MIB1: variants seen among roughly 807,000 people sequenced by gnomAD.
MIB1 encodes MIB E3 ubiquitin protein ligase 1.
MIB1 carries 278 observed loss-of-function variants against 124.5 expected under a neutral mutation model. That is an observed-to-expected ratio of 2.23 (90% CI 2.02 to 2.47). MIB1 has a LOEUF of 2.47. Among genes scored for constraint, MIB1 ranks in the 30% most tolerant of loss-of-function variants. The probability of loss-of-function intolerance (pLI) is 0.00; values close to 1 mark genes in which losing one functional copy is unlikely to be tolerated. For missense variants in MIB1, 957 were observed against 1,254.4 expected, an observed-to-expected ratio of 0.76 and a Z score of 3.58; for synonymous variants, 446 against 429.4, an observed-to-expected ratio of 1.04 and a Z score of -0.48.
chr18:21,857,258 T>C lies in MIB1; in HGVS notation c.2779+15T>C. On this transcript the variant is annotated intron_variant, in intron 19 of 20. Coordinates refer to ENST00000261537, the MANE Select transcript of MIB1 (RefSeq NM_020774.4). ...TGATGATATCTGTAAGTCGATTGTC[T>C]TAAGCATTTTCATATTTTGCTTTTT... 1 of 1,585,336 alleles carries C rather than the reference T, an allele frequency of 6.3e-7. No individual in the cohort carries two copies. Among genetic ancestry groups the C allele is most frequent in the South Asian group, 1.1e-5 (1 of 90,412 alleles).
At chr18:21,767,150 C>A (rs3017050) in intron 2 of MIB1, among the ~76,000 whole-genome samples, 151,652 of 152,282 alleles carry the variant, frequency 1, 75,516 homozygotes, top group Middle Eastern at 1. Context: ...ATATTAATCC[C>A]TTTTCATACT....
At chr18:21,725,720 CT>C (rs1000595497) in intron 1 of MIB1, among the ~76,000 whole-genome samples, 1 of 151,450 alleles carries the variant, frequency 6.6e-6, no homozygotes, top group Non-Finnish European at 1.5e-5. Context: ...CAAAGACACA[CT>C]TTGTGTAAGA....
intron 13 of MIB1, among the ~76,000 whole-genome samples, chr18:21,840,654 TATATA>T (rs2042077884): frequency 9.9e-4 from 4 of 4,034 alleles, no homozygotes; most frequent in African/African-American, 1.3e-3. Flanking sequence ...TATATATATA[TATATA>T]TATATATTTT....
intron 1 of MIB1, among the ~76,000 whole-genome samples, chr18:21,710,121 TTC>T (rs1350201032): frequency 6.6e-6 from 1 of 152,130 alleles, no homozygotes; most frequent in African/African-American, 2.4e-5. Context: ...ACTAATGAAA[TTC>T]TCTTTTTTTT....
At chr18:21,843,924 T>C (rs984269407) in intron 14 of MIB1, among the ~76,000 whole-genome samples, 168 bp from the exon 15 acceptor site, 2 of 152,204 alleles carry the variant, frequency 1.3e-5, no homozygotes, top group African/African-American at 4.8e-5. Context: ...TGACTCTTTG[T>C]AAGGAGCCAC....
intron 10 of MIB1, among the ~76,000 whole-genome samples, chr18:21,805,056 A>G (rs2041688584): frequency 6.6e-6 from 1 of 152,142 alleles, no homozygotes; most frequent in South Asian, 2.1e-4. Context: ...TCTGTTGCCC[A>G]GGCTGAAGTG....
At chr18:21,751,424 C>G (rs2040973941) in intron 1 of MIB1, among the ~76,000 whole-genome samples, 1 of 151,906 alleles carries the variant, frequency 6.6e-6, no homozygotes, top group Non-Finnish European at 1.5e-5. Context: ...CCATGCCCAG[C>G]AAATTTTTGT....
chr18:21,798,169 A>C lies in MIB1; in HGVS notation c.1178A>C (p.Asn393Thr). Residue 393 changes from asparagine (N) to threonine (T), a missense_variant, in exon 8 of 21, where the codon AAT (asparagine) becomes ACT (threonine). Transcript: ENST00000261537. ...GTTTGTGGAACATCTTGGACATACA[A>C]TCCAGCAGCAGTTTCCAAGGTGGCA... ...VEVCGTSWTYNPAAVSKVASA... is the reference protein window; with the variant it reads ...VEVCGTSWTYTPAAVSKVASA... 6.2e-7 allele frequency: 1 copy of C among 1,613,340 alleles called. No homozygotes were observed. Among genetic ancestry groups the C allele is most frequent in the Non-Finnish European group, 8.5e-7 (1 of 1,179,460 alleles).
In MIB1 at chr18:21,870,197, G is replaced by A. The variant is rs1297180487; in HGVS notation, c.*5531G>A. 2.0e-5 allele frequency: 3 copies of A among 152,420 alleles called. No homozygotes were observed. The highest frequency in any genetic ancestry group is 4.4e-5 in the Non-Finnish European group (3 of 67,940). The allele number at this position is 152,420 out of a possible 1,614,324, so 9.4% of individuals were successfully genotyped here. The stretch of plus-strand genomic sequence containing the variant: ...ATAATGCTTTTCTTTGATCTTTGGA[G>A]AATTATTCTTTTATAGTAGTATACA... On this transcript the variant is annotated 3_prime_UTR_variant, in exon 21 of 21. Coordinates refer to ENST00000261537, the MANE Select transcript of MIB1 (RefSeq NM_020774.4).
rs550402670 is a variant in MIB1 at position 21,793,507 on chromosome 18, C to T, written c.1092+1950C>T. ...GATAGTGAAAGTATATCAGGCCAGACGTGGTGGCTCATGTCTGTAATCCCA... is the reference window on the plus strand; with the variant it reads ...GATAGTGAAAGTATATCAGGCCAGATGTGGTGGCTCATGTCTGTAATCCCA... On this transcript the variant is annotated intron_variant, in intron 7 of 20. Transcript: ENST00000261537. Among the ~76,000 whole-genome samples the T allele has an allele frequency of 4.6e-5, 7 of 152,152 alleles. No homozygotes were observed. The East Asian group carries it at 1.4e-3, about 29-fold the overall frequency.
intron 13 of MIB1, among the ~76,000 whole-genome samples, chr18:21,840,660 TA>T (rs1322448084): frequency 6.2e-3 from 9 of 1,448 alleles, no homozygotes; most frequent in African/African-American, 0.011. Context: ...TATATATATA[TA>T]TATATTTTTT....
intron 12 of MIB1, chr18:21,827,265 T>C (rs2041934180): frequency 6.6e-6 from 1 of 152,112 alleles, no homozygotes; most frequent in Admixed American, 6.6e-5. Flanking sequence ...TTTAGAGTGA[T>C]TGAAAATACT....
chr18:21,819,440 C>T, intron 11 of MIB1, 55 bp from the exon 12 acceptor site: 1 of 1,148,208 alleles, frequency 8.7e-7, no homozygotes. Context: ...GTAAGTATTA[C>T]TATTAGATGG....
chr18:21,785,065 A>G (rs1568200753), intron 6 of MIB1, among the ~76,000 whole-genome samples: 1 of 152,334 alleles, frequency 6.6e-6, no homozygotes, highest in South Asian at 2.1e-4. Context: ...TGCGTAGAAG[A>G]AATAATGATG....
chr18:21,712,072 T>A, intron 1 of MIB1: 1 of 183,830 alleles, frequency 5.4e-6, no homozygotes, highest in South Asian at 1.2e-4. Flanking sequence ...AAAACCAAGA[T>A]ATGGTCCTAG....
intron 6 of MIB1, among the ~76,000 whole-genome samples, chr18:21,784,504 A>T (rs578218191): frequency 1.3e-5 from 2 of 152,354 alleles, no homozygotes; most frequent in South Asian, 4.1e-4. Flanking sequence ...GAAAATATAT[A>T]GAATAAGAAT....
chr18:21,779,672 C>A lies in MIB1; in HGVS notation c.895C>A (p.Pro299Thr). ...DEDHDIVVQY[P>T]SGNRWTFNPA... ...AGATCATGACATTGTAGTACAGTAT[C>A]CAAGTGGCAATAGGTGGGTGATATC... is the stretch of plus-strand genomic sequence containing the variant. Residue 299 changes from proline (P) to threonine (T), a missense_variant, in exon 6 of 21, where the codon CCA (proline) becomes ACA (threonine). Coordinates refer to ENST00000261537, the MANE Select transcript of MIB1 (RefSeq NM_020774.4). 1 of 1,613,426 alleles carries A rather than the reference C, an allele frequency of 6.2e-7. No individual in the cohort carries two copies.
At chr18:21,808,003 C>A (rs2041727943) in intron 10 of MIB1, among the ~76,000 whole-genome samples, 1 of 152,008 alleles carries the variant, frequency 6.6e-6, no homozygotes, top group East Asian at 1.9e-4. Flanking sequence ...AGGTAGATAC[C>A]ATATTATTTC....
At chr18:21,746,044 A>G (rs1032473902) in intron 1 of MIB1, among the ~76,000 whole-genome samples, 2 of 152,116 alleles carry the variant, frequency 1.3e-5, no homozygotes. Context: ...TTTGTACTTA[A>G]TTTAAAAAAA....
Sources: allele counts gnomAD v4.1 joint callset (sites outside exome capture counted in the v4.1 genomes callset), GRCh38; gene constraint gnomAD v4.1.1; transcripts MANE v1.5; gene names NCBI Gene and HGNC (gene_info 2026-07-23, HGNC 2026-07-21).